Variants in JAG2 observed in about 807,000 individuals in gnomAD.
The protein encoded by JAG2 is protein jagged-2.
Under a neutral mutation model 141.7 loss-of-function variants are expected in JAG2, and 46 were observed. The ratio of observed to expected loss-of-function variants is 0.32; its 90% CI spans 0.26 to 0.42. The LOEUF is 0.42. Among genes scored for constraint, JAG2 ranks in the 10% least tolerant of loss-of-function variants. The probability of loss-of-function intolerance (pLI) is 1.00; values close to 1 mark genes in which losing one functional copy is unlikely to be tolerated. For missense variants in JAG2, 1,500 were observed against 1,817.5 expected (o/e 0.83, Z 3.18); for synonymous variants, 862 against 763.5 (o/e 1.13, Z -2.13).
In JAG2 at chr14:105,152,123, G is replaced by T. The variant is rs76684207; in HGVS notation, c.919+38C>A. ...CCCGCTCCCCCACAACCCACACTTC[G>T]ATGGCAGAGCATTAGGCCTGCCGCC... On this transcript the variant is annotated intron_variant, in intron 6 of 25. Transcript: ENST00000331782. 2.3e-3 allele frequency: 3,687 copies of T among 1,613,434 alleles called. 117 individuals carry two copies. The East Asian group carries it at 0.071, about 31-fold the overall frequency.
In JAG2 at chr14:105,142,382, T is replaced by C; in HGVS notation, c.*313A>G. ...AAGATTCTGTAAACAGTGCACAACC[T>C]CTGGTAACAAACGCTACGATTTGGT... On this transcript the variant is annotated 3_prime_UTR_variant, in exon 26 of 26. Coordinates refer to ENST00000331782, the MANE Select transcript of JAG2 (RefSeq NM_002226.5). 2.9e-6 allele frequency: 1 copy of C among 348,280 alleles called. No individual in the cohort carries two copies. Among genetic ancestry groups the C allele is most frequent in the Non-Finnish European group, 5.3e-6 (1 of 188,864 alleles). The allele number at this position is 348,280 out of a possible 1,614,324, so 21.6% of individuals were successfully genotyped here.
Position 105,142,989 on chromosome 14 carries a change from C to G in JAG2, c.3423G>C (p.Pro1141=). ...LNPIRNPIER[P]GGHKDVLYQC... ...GGTAGAGCACGTCCTTGTGGCCCCC[C>G]GGCCGCTCAATGGGGTTGCGGATGG... The change falls in exon 26 of 26, where the codon CCG becomes CCC. Residue 1141 remains proline (P), a synonymous_variant. Transcript: ENST00000331782. 6.2e-7 allele frequency: 1 copy of G among 1,609,472 alleles called. No individual in the cohort carries two copies. Among genetic ancestry groups the G allele is most frequent in the Non-Finnish European group, 8.5e-7 (1 of 1,179,448 alleles).
At chr14:105,166,479 A>G (rs587711722) in intron 2 of JAG2, among the ~76,000 whole-genome samples, 1 of 152,202 alleles carries the variant, frequency 6.6e-6, no homozygotes, top group South Asian at 2.1e-4. Context: ...TGCCTTTTCC[A>G]TCTGGGGGAC....
rs1008566544 is a variant in JAG2, at chr14:105,145,038, G to A, written c.2976C>T (p.Cys992=). 1.1e-5 allele frequency: 17 copies of A among 1,609,888 alleles called. No homozygotes were observed. Among genetic ancestry groups the A allele is most frequent in the Non-Finnish European group, 1.3e-5 (15 of 1,179,780 alleles). Residue 992 remains cysteine, a synonymous_variant, in exon 24 of 26, where the codon TGC becomes TGT. Coordinates refer to ENST00000331782, the MANE Select transcript of JAG2 (RefSeq NM_002226.5). The part of the protein sequence containing the change: ...VPQGTTVGAI[C]SGIRSLPATR... Reference sequence around the variant, plus strand: ...TGGCTGGCAGGGAGCGGATCCCGGAGCAAATGGCGCCCACCGTGGTGCCCT... The same window carrying A: ...TGGCTGGCAGGGAGCGGATCCCGGAACAAATGGCGCCCACCGTGGTGCCCT...
At chr14:105,162,894 G>C (rs1888798679) in intron 2 of JAG2, among the ~76,000 whole-genome samples, 1 of 143,490 alleles carries the variant, frequency 7.0e-6, no homozygotes, top group African/African-American at 2.7e-5. Context: ...AGCACCCTAA[G>C]TCCACGGCAC....
intron 3 of JAG2, 74 bp downstream of exon 3, chr14:105,157,632 G>C: frequency 7.5e-7 from 1 of 1,324,874 alleles, no homozygotes; most frequent in Non-Finnish European, 1.1e-6. Flanking sequence ...GTCCCAAGCA[G>C]ACAGAGGAGC....
At chr14:105,156,128 G>T in intron 3 of JAG2, 139 bp from the exon 4 acceptor site, 1 of 1,147,326 alleles carries the variant, frequency 8.7e-7, no homozygotes, top group Non-Finnish European at 1.2e-6. Flanking sequence ...GGAGGGCAGG[G>T]CCCCCGGCCA....
At chr14:105,144,644 C>A (rs755373235) in intron 24 of JAG2, among the ~76,000 whole-genome samples, 1 of 152,210 alleles carries the variant, frequency 6.6e-6, no homozygotes, top group Admixed American at 6.5e-5. Flanking sequence ...CTGCCTGTGA[C>A]GTAGGGACAC....
At position 105,142,714 on chromosome 14, in the gene JAG2, C is replaced by T. The variant is rs765069855; in HGVS notation, c.3698G>A (p.Arg1233His). 2.4e-5 allele frequency: 38 copies of T among 1,603,740 alleles called. No individual in the cohort carries two copies. Among genetic ancestry groups the T allele is most frequent in the South Asian group, 2.0e-4 (18 of 89,174 alleles). ...NRAVRSINEA[R>H]YAGKE ...CCGCCCCTACTCCTTGCCGGCGTAGCGGGCCTCATTGATGCTCCTGACCGC... is the reference window on the plus strand; with the variant it reads ...CCGCCCCTACTCCTTGCCGGCGTAGTGGGCCTCATTGATGCTCCTGACCGC... The change falls in exon 26 of 26, where the codon CGC (arginine) becomes CAC (histidine). Residue 1233 changes from arginine (R) to histidine (H), a missense_variant. Transcript: ENST00000331782.
At position 105,155,800 on chromosome 14, in the gene JAG2, G is replaced by A. The variant is rs933915421; in HGVS notation, c.665C>T (p.Thr222Ile). 8 of 1,612,972 alleles carry A rather than the reference G, an allele frequency of 5.0e-6. No individual in the cohort carries two copies. Among genetic ancestry groups the A allele is most frequent in the Non-Finnish European group, 6.8e-6 (8 of 1,179,944 alleles). The change falls in exon 4 of 26, where the codon ACC (threonine) becomes ATC (isoleucine). Residue 222 changes from threonine (T) to isoleucine (I), a missense_variant. This residue lies in a region of JAG2 where 875 missense variants were observed against 1,202.2 expected (regional missense o/e 0.73). Coordinates refer to ENST00000331782, the MANE Select transcript of JAG2 (RefSeq NM_002226.5). The part of the protein sequence containing the change: ...RPRNDFFGHY[T>I]CDQYGNKACM... ...GGCCTTGTTGCCGTACTGGTCGCAG[G>A]TGTAGTGGCCGAAAAAGTCGTTGCG...
At chr14:105,149,148 C>T in intron 13 of JAG2, 22 bp downstream of exon 13, 1 of 1,608,142 alleles carries the variant, frequency 6.2e-7, no homozygotes, top group South Asian at 1.1e-5. Context: ...CCTCCCCCAC[C>T]ACCCCATGCC....
At chr14:105,151,863 G>A in intron 7 of JAG2, 75 bp downstream of exon 7, 1 of 1,609,772 alleles carries the variant, frequency 6.2e-7, no homozygotes, top group South Asian at 1.1e-5. Flanking sequence ...GACGCCAGAG[G>A]GATGGGGCCT....
At chr14:105,143,338 G>A in intron 25 of JAG2, 144 bp downstream of exon 25, 4 of 1,291,080 alleles carry the variant, frequency 3.1e-6, no homozygotes, top group Non-Finnish European at 4.3e-6. Flanking sequence ...AGGTCAGGTT[G>A]TGGGGCTGGG....
intron 2 of JAG2, among the ~76,000 whole-genome samples, chr14:105,163,171 G>A (rs587683006): frequency 6.8e-4 from 104 of 152,342 alleles, no homozygotes; most frequent in African/African-American, 2.3e-3. Context: ...GGCGCCAGGA[G>A]CTCCAAGCAC....
At chr14:105,144,630 C>T (rs1266061670) in intron 24 of JAG2, among the ~76,000 whole-genome samples, 1 of 152,222 alleles carries the variant, frequency 6.6e-6, no homozygotes, top group Non-Finnish European at 1.5e-5. Flanking sequence ...CACGGACTCT[C>T]CTGCTGCCTG....
rs1888938803 is a variant in JAG2, at chr14:105,167,171, C to A, written c.417+586G>T. ...AAAAAACCCACAAACAGGGCAGTGC[C>A]ACAGAAGGTCACTGCACCAGGATCC... On this transcript the variant is annotated intron_variant, in intron 2 of 25. Coordinates refer to ENST00000331782, the MANE Select transcript of JAG2 (RefSeq NM_002226.5). The surrounding 1 kb of genome is among the most constrained non-coding windows in gnomAD (Gnocchi z 4.8). 6.6e-6 allele frequency among the ~76,000 whole-genome samples: 1 copy of A among 152,230 alleles called. No homozygotes were observed. Among genetic ancestry groups the A allele is most frequent in the East Asian group, 1.9e-4 (1 of 5,188 alleles).
chr14:105,149,456 G>C, intron 12 of JAG2, 136 bp from the exon 13 acceptor site: 1 of 1,088,342 alleles, frequency 9.2e-7, no homozygotes, highest in East Asian at 2.5e-5. Context: ...GTGCCAGCCA[G>C]AGCCCAAGAC....
chr14:105,157,247 T>C (rs587624427), intron 3 of JAG2, among the ~76,000 whole-genome samples: 6 of 152,282 alleles, frequency 3.9e-5, no homozygotes, highest in Admixed American at 2.6e-4. Context: ...AGCCCGCTCC[T>C]GCCCAGACCT....
intron 11 of JAG2, 39 bp downstream of exon 11, chr14:105,150,826 G>A (rs773410534): frequency 5.0e-5 from 79 of 1,572,660 alleles, no homozygotes; most frequent in African/African-American, 6.8e-5. Context: ...TGACGGCCCC[G>A]CAGCACCCAC....
Sources: gnomAD v4.1 joint callset for allele counts (sites outside exome capture counted in the v4.1 genomes callset) on GRCh38, gnomAD v4.1.1 for gene constraint, gnomAD v4.1.1 regional missense constraint, Gnocchi (gnomAD v3.1) non-coding constraint, MANE v1.5 for transcripts, NCBI Gene and HGNC (gene_info 2026-07-23, HGNC 2026-07-21) for gene names.